SEMA6D: variants seen among roughly 807,000 people sequenced by gnomAD.
SEMA6D encodes the protein semaphorin-6D.
In SEMA6D, 35 loss-of-function variants were observed where a neutral mutation model predicts 106.6. The observed-to-expected ratio is 0.33, with a 90% confidence interval of 0.25 to 0.44. The LOEUF (loss-of-function observed/expected upper bound fraction) is 0.44. Among genes scored for constraint, SEMA6D ranks in the 20% least tolerant of loss-of-function variants. SEMA6D has a pLI of 1.00. For missense variants in SEMA6D, 1,185 were observed against 1,345.9 expected (o/e 0.88, Z 1.87); for synonymous variants, 499 against 487.7 (o/e 1.02, Z -0.31).
chr15:47,234,583 G>T (rs2032419895), intron 1 of SEMA6D, among the ~76,000 whole-genome samples: 1 of 151,966 alleles, frequency 6.6e-6, no homozygotes, highest in East Asian at 1.9e-4. Context: ...CCACTTGTAA[G>T]TGAGAACATA....
chr15:47,331,496 A>G (rs367833354), intron 1 of SEMA6D, among the ~76,000 whole-genome samples: 1 of 152,194 alleles, frequency 6.6e-6, no homozygotes, highest in Non-Finnish European at 1.5e-5. Context: ...TGTTAACAGT[A>G]TATCTTGGGA....
intron 4 of SEMA6D, among the ~76,000 whole-genome samples, chr15:47,682,428 A>G (rs2078376327): frequency 6.6e-6 from 1 of 152,000 alleles, no homozygotes; most frequent in African/African-American, 2.4e-5. Flanking sequence ...CGGCCTCCCA[A>G]AATGCTGGGA....
chr15:47,397,724 C>A (rs753443328), intron 1 of SEMA6D: 3 of 152,162 alleles, frequency 2.0e-5, no homozygotes, highest in Non-Finnish European at 4.4e-5. Context: ...GATGAAACTT[C>A]AGCATTTCCT....
intron 2 of SEMA6D, among the ~76,000 whole-genome samples, chr15:47,463,045 A>C (rs1457164879): frequency 1.3e-5 from 2 of 152,174 alleles, no homozygotes; most frequent in African/African-American, 2.4e-5. Flanking sequence ...CTTTTTAAAA[A>C]AAATGAAGAA....
At chr15:47,470,450 T>A (rs989351066) in intron 2 of SEMA6D, 7 of 150,678 alleles carry the variant, frequency 4.6e-5, no homozygotes, top group African/African-American at 1.7e-4. Context: ...ATATTTTTGT[T>A]CTTTTTTTTT....
At chr15:47,407,386 A>C (rs1567058039) in intron 1 of SEMA6D, among the ~76,000 whole-genome samples, 1 of 142,778 alleles carries the variant, frequency 7.0e-6, no homozygotes, top group African/African-American at 2.5e-5. Context: ...AAAAAAAAAA[A>C]ACCAAAACAA....
chr15:47,508,455 C>T (rs1035064492), intron 3 of SEMA6D, among the ~76,000 whole-genome samples: 6 of 152,030 alleles, frequency 3.9e-5, no homozygotes, highest in South Asian at 4.2e-4. Flanking sequence ...CATGGAGTGG[C>T]GGATTTTTCT....
intron 2 of SEMA6D, among the ~76,000 whole-genome samples, chr15:47,462,650 A>G (rs2042549029): frequency 6.6e-6 from 1 of 152,130 alleles, no homozygotes; most frequent in Admixed American, 6.6e-5. Flanking sequence ...AAACAAAAAC[A>G]CATTAGTTGT....
chr15:47,525,143 C>T (rs574191349), intron 3 of SEMA6D: 2 of 152,348 alleles, frequency 1.3e-5, no homozygotes, highest in African/African-American at 4.8e-5. Flanking sequence ...CTCTCTCTGT[C>T]CTTCTCCTCT....
At chr15:47,286,318 T>G (rs930760656) in intron 1 of SEMA6D, among the ~76,000 whole-genome samples, 2 of 150,312 alleles carry the variant, frequency 1.3e-5, no homozygotes, top group Non-Finnish European at 1.5e-5. Context: ...TCTCAAACTT[T>G]TGGTCTCAGT....
chr15:47,275,096 C>G (rs2034737919), intron 1 of SEMA6D: 1 of 152,058 alleles, frequency 6.6e-6, no homozygotes, highest in South Asian at 2.1e-4. Flanking sequence ...ATATCCAACC[C>G]TGGAAATGAT....
intron 1 of SEMA6D, among the ~76,000 whole-genome samples, chr15:47,300,573 A>G (rs1048436785): frequency 6.6e-6 from 1 of 152,096 alleles, no homozygotes; most frequent in African/African-American, 2.4e-5. Flanking sequence ...TGCTTTTTTT[A>G]ACAGAACAGA....
intron 2 of SEMA6D, among the ~76,000 whole-genome samples, chr15:47,449,365 G>C (rs1044303974): frequency 6.6e-6 from 1 of 152,030 alleles, no homozygotes; most frequent in Admixed American, 6.6e-5. Context: ...ACAATGTTAG[G>C]GTGTGTGTGC....
At chr15:47,645,556 T>C (rs1404037815) in intron 4 of SEMA6D, among the ~76,000 whole-genome samples, 1 of 151,928 alleles carries the variant, frequency 6.6e-6, no homozygotes, top group Non-Finnish European at 1.5e-5. Context: ...ACACAACACT[T>C]CTGACACCAA....
At chr15:47,539,407 GTT>G (rs34781241) in intron 3 of SEMA6D, among the ~76,000 whole-genome samples, 71 of 149,632 alleles carry the variant, frequency 4.7e-4, no homozygotes, top group African/African-American at 1.7e-3. Flanking sequence ...CCCTGGCTCA[GTT>G]TTTTTTTTTG....
intron 1 of SEMA6D, among the ~76,000 whole-genome samples, chr15:47,355,985 T>G (rs2038549649): frequency 6.6e-6 from 1 of 152,204 alleles, no homozygotes; most frequent in Admixed American, 6.5e-5. Flanking sequence ...GCTCTGAGAA[T>G]TTCAGAGCTC....
chr15:47,482,273 A>G (rs954200960), intron 3 of SEMA6D, among the ~76,000 whole-genome samples: 1 of 152,192 alleles, frequency 6.6e-6, no homozygotes, highest in African/African-American at 2.4e-5. Flanking sequence ...TAAAGATAGT[A>G]AAGAGGAATG....
At chr15:47,537,730 G>T (rs988390334) in intron 3 of SEMA6D, among the ~76,000 whole-genome samples, 1 of 152,122 alleles carries the variant, frequency 6.6e-6, no homozygotes, top group African/African-American at 2.4e-5. Flanking sequence ...TGATAGACTG[G>T]CTACGGAGGC....
intron 4 of SEMA6D, among the ~76,000 whole-genome samples, chr15:47,628,461 G>A (rs1477661095): frequency 2.6e-5 from 4 of 152,040 alleles, no homozygotes; most frequent in Non-Finnish European, 4.4e-5. Flanking sequence ...ATTCTGATGG[G>A]TGTGAAATGA....
Sources: gnomAD v4.1 joint callset for allele counts (sites outside exome capture counted in the v4.1 genomes callset) on GRCh38, gnomAD v4.1.1 for gene constraint, MANE v1.5 for transcripts, NCBI Gene and HGNC (gene_info 2026-07-23, HGNC 2026-07-21) for gene names.